HCN1: variants seen among roughly 807,000 people sequenced by gnomAD.
The protein encoded by HCN1 is potassium/sodium hyperpolarization-activated cyclic nucleotide-gated channel 1.
In HCN1, 13 loss-of-function variants were observed where a neutral mutation model predicts 78.9. The ratio of observed to expected loss-of-function variants is 0.16; its 90% CI spans 0.11 to 0.26. HCN1 has a LOEUF of 0.26. HCN1 is among the 10% of genes least tolerant of loss of function. HCN1 has a pLI of 1.00. For synonymous variants in HCN1, 552 were observed against 455.5 expected (o/e 1.21, Z -2.70); for missense variants, 810 against 1,154.3 (o/e 0.70, Z 4.32).
intron 5 of HCN1, among the ~76,000 whole-genome samples, chr5:45,348,420 T>C (rs1038270818): frequency 6.6e-6 from 1 of 152,012 alleles, no homozygotes; most frequent in African/African-American, 2.4e-5. Flanking sequence ...TCACACCAAA[T>C]TGCAAAGGCC....
intron 2 of HCN1, among the ~76,000 whole-genome samples, chr5:45,580,059 C>G (rs567776403): frequency 6.6e-6 from 1 of 152,040 alleles, no homozygotes; most frequent in Non-Finnish European, 1.5e-5. Flanking sequence ...CCCGCTGAGA[C>G]CTTCAAGGAT....
chr5:45,504,232 T>A (rs1742249107), intron 2 of HCN1, among the ~76,000 whole-genome samples: 1 of 152,126 alleles, frequency 6.6e-6, no homozygotes, highest in Non-Finnish European at 1.5e-5. Flanking sequence ...GTATATCTCC[T>A]AATGCTTTCC....
At chr5:45,276,929 T>C (rs1020222339) in intron 6 of HCN1, among the ~76,000 whole-genome samples, 36 of 151,998 alleles carry the variant, frequency 2.4e-4, no homozygotes, top group African/African-American at 8.5e-4. Flanking sequence ...AATAGTATCA[T>C]GATACAGGTT....
intron 2 of HCN1, among the ~76,000 whole-genome samples, chr5:45,511,366 G>A (rs72762062): frequency 0.34 from 51,778 of 151,820 alleles, 11,241 homozygotes; most frequent in Non-Finnish European, 0.45. Context: ...TTAAGTGTAC[G>A]CTGCATGTAG....
intron 5 of HCN1, among the ~76,000 whole-genome samples, chr5:45,334,998 CAAATT>C (rs1746424621): frequency 6.6e-6 from 1 of 151,964 alleles, no homozygotes; most frequent in East Asian, 1.9e-4. Context: ...ATCTATTCGA[CAAATT>C]AAAGGTCAGC....
intron 4 of HCN1, among the ~76,000 whole-genome samples, chr5:45,373,251 A>C: frequency 8.4e-6 from 1 of 119,430 alleles, no homozygotes; most frequent in Non-Finnish European, 1.6e-5. Flanking sequence ...TATAATATAT[A>C]TTTTATATTA....
At chr5:45,604,574 T>C (rs551983417) in intron 2 of HCN1, among the ~76,000 whole-genome samples, 359 of 152,060 alleles carry the variant, frequency 2.4e-3, no homozygotes, top group African/African-American at 8.1e-3. Context: ...GTATTAATAA[T>C]ACAGGGAGAT....
intron 5 of HCN1, among the ~76,000 whole-genome samples, chr5:45,313,134 A>C (rs1235658439): frequency 6.6e-6 from 1 of 152,166 alleles, no homozygotes; most frequent in African/African-American, 2.4e-5. Context: ...GCAGACTGAC[A>C]CCTCACACGG....
intron 1 of HCN1, among the ~76,000 whole-genome samples, chr5:45,688,423 G>A (rs542930141): frequency 6.6e-6 from 1 of 152,130 alleles, no homozygotes; most frequent in East Asian, 1.9e-4. Context: ...GTATTGGGCA[G>A]GGAAATGTAA....
chr5:45,325,173 C>T (rs1235708164), intron 5 of HCN1, among the ~76,000 whole-genome samples: 1 of 151,706 alleles, frequency 6.6e-6, no homozygotes, highest in East Asian at 1.9e-4. Flanking sequence ...ACATTTGCAT[C>T]TCTGTTATTA....
chr5:45,521,001 GT>G (rs1047189910), intron 2 of HCN1, among the ~76,000 whole-genome samples: 1 of 148,316 alleles, frequency 6.7e-6, no homozygotes, highest in African/African-American at 2.5e-5. Context: ...TTTTTTTTTT[GT>G]TTTTTTGGCT....
chr5:45,380,256 G>A (rs991617962), intron 4 of HCN1, among the ~76,000 whole-genome samples: 5 of 152,000 alleles, frequency 3.3e-5, no homozygotes, highest in Non-Finnish European at 5.9e-5. Context: ...AAAAGGCCAG[G>A]CAGCTCTCTG....
intron 1 of HCN1, among the ~76,000 whole-genome samples, chr5:45,673,959 T>A (rs1293634188): frequency 6.6e-6 from 1 of 151,622 alleles, no homozygotes; most frequent in African/African-American, 2.4e-5. Context: ...TAATTACGTA[T>A]GTTAAGTGAA....
chr5:45,356,986 A>G (rs1476120969), intron 4 of HCN1, among the ~76,000 whole-genome samples: 1 of 152,020 alleles, frequency 6.6e-6, no homozygotes, highest in Non-Finnish European at 1.5e-5. Context: ...TAATCCTGCA[A>G]TTGCTGATCA....
intron 2 of HCN1, among the ~76,000 whole-genome samples, chr5:45,627,453 T>C (rs1745191834): frequency 6.6e-6 from 1 of 152,178 alleles, no homozygotes; most frequent in Non-Finnish European, 1.5e-5. Context: ...AAATGCTCCA[T>C]TATGGACGAG....
In HCN1 at chr5:45,518,816, C is replaced by A. The variant is rs1396481397; in HGVS notation, c.850-56809G>T. Among the ~76,000 whole-genome samples, 7 of 151,806 alleles carry A rather than the reference C, an allele frequency of 4.6e-5. No individual in the cohort carries two copies. In the East Asian group the frequency reaches 5.9e-4, roughly 13 times the overall value. The stretch of plus-strand genomic sequence containing the variant: ...TAGCATATGGGGACCAAAAAGTAAA[C>A]CTGAAGAAATTAGAAAACTCTGTAT... On this transcript the variant is annotated intron_variant, in intron 2 of 7. Transcript: ENST00000303230.
Position 45,446,123 on chromosome 5 carries a change from G to T in HCN1, c.1011+15723C>A, listed in dbSNP as rs1450629327. 3.3e-5 allele frequency among the ~76,000 whole-genome samples: 5 copies of T among 152,138 alleles called. No individual in the cohort carries two copies. In the South Asian group the frequency reaches 6.2e-4, roughly 19 times the overall value. ...GGAGGAAATTCAAACCAAAGGCAAAGAAGTTGAAAACTTTGAAAAAAATTT... is the reference window on the plus strand; with the variant it reads ...GGAGGAAATTCAAACCAAAGGCAAATAAGTTGAAAACTTTGAAAAAAATTT... On this transcript the variant is annotated intron_variant, in intron 3 of 7. Coordinates refer to ENST00000303230, the MANE Select transcript of HCN1 (RefSeq NM_021072.4).
chr5:45,262,720 A>G lies in HCN1; in HGVS notation c.1874T>C (p.Ile625Thr), dbSNP rs1744775677. The stretch of plus-strand genomic sequence containing the variant: ...CACCATCTCCCTGTCATGTTTCACA[A>G]TCTGCTTGAGGATTTCGTTCTCCTG... Reference protein sequence around the residue: ...NNQENEILKQIVKHDREMVQA... With the variant: ...NNQENEILKQTVKHDREMVQA... The change falls in exon 8 of 8, where the codon ATT (isoleucine) becomes ACT (threonine). Residue 625 changes from isoleucine (I) to threonine (T), a missense_variant. Ile to Thr is a moderately conservative substitution (Grantham distance 89). Around this residue, in one of 6 missense-constraint regions of HCN1, gnomAD observed 398 missense variants for 381.3 expected, o/e 1.04. Coordinates refer to ENST00000303230, the MANE Select transcript of HCN1 (RefSeq NM_021072.4). 5 of 1,614,012 alleles carry G rather than the reference A, an allele frequency of 3.1e-6. No homozygotes were observed. The highest frequency in any genetic ancestry group is 1.1e-5 in the South Asian group (1 of 91,088).
At chr5:45,446,724 G>A (rs1740806218) in intron 3 of HCN1, among the ~76,000 whole-genome samples, 1 of 152,074 alleles carries the variant, frequency 6.6e-6, no homozygotes, top group South Asian at 2.1e-4. Flanking sequence ...GAGAGTGGGG[G>A]CCAATATTCA....
Sources: allele counts gnomAD v4.1 joint callset (sites outside exome capture counted in the v4.1 genomes callset), GRCh38; gene constraint gnomAD v4.1.1; regional missense constraint gnomAD v4.1.1; transcripts MANE v1.5; gene names NCBI Gene and HGNC (gene_info 2026-07-23, HGNC 2026-07-21).